The following PTRH1 variants were observed in gnomAD, a reference collection of about 807,000 sequenced individuals.
PTRH1 encodes the protein peptidyl-tRNA hydrolase.
Under a neutral mutation model 15.7 loss-of-function variants are expected in PTRH1, and 13 were observed. The ratio of observed to expected loss-of-function variants is 0.83; its 90% CI spans 0.54 to 1.31. The LOEUF is 1.31. Ranked by LOEUF, PTRH1 falls within the 40% of genes most tolerant of loss-of-function variation. The probability of loss-of-function intolerance (pLI) is 0.00; values close to 1 mark genes in which losing one functional copy is unlikely to be tolerated. For synonymous variants in PTRH1, 139 were observed against 136.7 expected, an observed-to-expected ratio of 1.02 and a Z score of -0.12; for missense variants, 319 against 296.2, an observed-to-expected ratio of 1.08 and a Z score of -0.56.
chr9:127,696,018 G>A (rs1163628168), intron 1 of PTRH1: 1 of 152,142 alleles, frequency 6.6e-6, no homozygotes, highest in Admixed American at 6.5e-5. Flanking sequence ...AACCAACAAT[G>A]TATTAATGCA....
chr9:127,702,743 G>C (rs759226193), intron 1 of PTRH1, among the ~76,000 whole-genome samples: 1 of 150,382 alleles, frequency 6.6e-6, no homozygotes, highest in South Asian at 2.1e-4. Flanking sequence ...AGAGTGTCTT[G>C]CTCTGTCGTC....
downstream of PTRH1, among the ~76,000 whole-genome samples, chr9:127,711,011 T>C (rs1201349955): frequency 2.0e-5 from 3 of 152,146 alleles, no homozygotes; most frequent in Admixed American, 2.0e-4. Flanking sequence ...TGGGATTAAA[T>C]CATGTTACTT....
chr9:127,710,870 C>T (rs921373238), downstream of PTRH1: 118 of 1,199,032 alleles, frequency 9.8e-5, 1 homozygote, highest in African/African-American at 5.5e-4. Context: ...AACTGACCGC[C>T]GCCCCGACAA....
At chr9:127,714,953 A>G in intron 2 of PTRH1, 22 bp downstream of exon 2, 1 of 136,770 alleles carries the variant, frequency 7.3e-6, no homozygotes, top group Non-Finnish European at 1.2e-5. Flanking sequence ...CCGCCCGCCC[A>G]CCCCTGGCGC....
At chr9:127,709,549 G>A (rs751781796), downstream of PTRH1, 7 of 1,614,022 alleles carry the variant, frequency 4.3e-6, no homozygotes, top group African/African-American at 9.3e-5. This position sits in a 1 kb window ranked among gnomAD's most constrained non-coding sequence, Gnocchi z 4.7. Flanking sequence ...GCAGGTGGAT[G>A]AGATCACAGA....
chr9:127,699,421 G>A (rs987348632), intron 1 of PTRH1, among the ~76,000 whole-genome samples: 9 of 152,244 alleles, frequency 5.9e-5, no homozygotes, highest in Admixed American at 2.0e-4. Flanking sequence ...ACTGGGCTTG[G>A]GGAGGCCGGG....
chr9:127,701,640 C>T (rs1165721546), intron 1 of PTRH1, among the ~76,000 whole-genome samples: 1 of 152,144 alleles, frequency 6.6e-6, no homozygotes, highest in Non-Finnish European at 1.5e-5. Flanking sequence ...GGGCCGGGAG[C>T]GGTGGCTCAC....
downstream of PTRH1, chr9:127,713,096 G>A (rs757350739): frequency 3.1e-6 from 5 of 1,613,682 alleles, no homozygotes; most frequent in Admixed American, 1.7e-5. Context: ...CCAGCCGGGG[G>A]ATCTAGGCCT....
At chr9:127,708,939 T>C (rs1842704742), downstream of PTRH1, among the ~76,000 whole-genome samples, 3 of 152,244 alleles carry the variant, frequency 2.0e-5, no homozygotes, top group South Asian at 6.2e-4. Context: ...CAGCAGGCAT[T>C]GTGGCTAAGA....
downstream of PTRH1, chr9:127,711,121 C>T: frequency 7.3e-7 from 1 of 1,372,306 alleles, no homozygotes; most frequent in African/African-American, 1.4e-5. Context: ...AGGGAGAGAG[C>T]ATGCTGGTGT....
In PTRH1 at chr9:127,714,402, A is replaced by T. The variant is rs752727564; in HGVS notation, c.439T>A (p.Cys147Ser). ...SARGHNGVRS[C>S]ISCLNSNAMP... ...ACATTGGAGTTGAGGCAGCTAATGC[A>T]GGAACGGACTCCATTGTGGCCCCTT... Residue 147 changes from cysteine to serine, a missense_variant, in exon 4 of 5, where the codon TGC becomes AGC. Cys to Ser is a moderately radical substitution (Grantham distance 112). Transcript: ENST00000543175. 5 of 1,614,228 alleles carry T rather than the reference A, an allele frequency of 3.1e-6. No individual in the cohort carries two copies. Among genetic ancestry groups the T allele is most frequent in the Admixed American group, 1.7e-5 (1 of 60,024 alleles).
At chr9:127,712,039 G>A (rs1842778135), downstream of PTRH1, 5 of 1,522,006 alleles carry the variant, frequency 3.3e-6, no homozygotes, top group South Asian at 3.8e-5. Flanking sequence ...ACCCAGGCCA[G>A]TGACTTCCCC....
In PTRH1 at chr9:127,715,004, T is replaced by A; in HGVS notation, c.287A>T (p.Asn96Ile). ...CCGGGCCACGCTGCGCCCGTTGGCG[T>A]TCATAAGCCGCCGTGGCCGGAGCAG... ...LVLLRPRRLM[N>I]ANGRSVARAA... Residue 96 changes from asparagine to isoleucine, a missense_variant, in exon 2 of 5, where the codon AAC (asparagine) becomes ATC (isoleucine). Transcript: ENST00000543175. This position sits in a 1 kb window ranked among gnomAD's most constrained non-coding sequence, Gnocchi z 5.8. 1 of 1,247,358 alleles carries A rather than the reference T, an allele frequency of 8.0e-7. No homozygotes were observed. Among genetic ancestry groups the A allele is most frequent in the Non-Finnish European group, 1.0e-6 (1 of 975,302 alleles). 77.3% of individuals were successfully genotyped at this position (1,247,358 alleles called of 1,614,324 possible). A position where few individuals can be genotyped will look rare whatever the true frequency, so the allele number is the denominator to read the frequency against.
At chr9:127,695,195 C>A (rs924032852) in intron 1 of PTRH1, 6 of 650,916 alleles carry the variant, frequency 9.2e-6, no homozygotes, top group Non-Finnish European at 1.7e-5. Context: ...CAATGCTCAT[C>A]AAGAAGAGAA....
chr9:127,711,215 A>C (rs776859363), downstream of PTRH1: 1 of 1,611,654 alleles, frequency 6.2e-7, no homozygotes. Flanking sequence ...TTCCCCTCCC[A>C]CCTTTCTGGC....
chr9:127,710,094 G>A (rs538929198), downstream of PTRH1, among the ~76,000 whole-genome samples: 44 of 152,074 alleles, frequency 2.9e-4, no homozygotes, highest in African/African-American at 5.6e-4. Context: ...GCAACATAGC[G>A]ACACTCCATC....
intron 1 of PTRH1, among the ~76,000 whole-genome samples, chr9:127,708,360 C>G (rs968776337): frequency 6.6e-6 from 1 of 152,038 alleles, no homozygotes; most frequent in Non-Finnish European, 1.5e-5. Context: ...GCCTGTAATC[C>G]CAGCTACTCA....
chr9:127,714,203 G>C lies in PTRH1; in HGVS notation c.542C>G (p.Ser181Cys). The C allele has an allele frequency of 1.2e-6, 2 of 1,613,946 alleles. No individual in the cohort carries two copies. Among genetic ancestry groups the C allele is most frequent in the Admixed American group, 3.3e-5 (2 of 60,022 alleles). The change falls in exon 5 of 5, where the codon TCC (serine) becomes TGC (cysteine). Residue 181 changes from serine to cysteine, a missense_variant. Ser to Cys is a moderately radical substitution (Grantham distance 112). Transcript: ENST00000543175. ...AGGCAGCAGCTCCTGCTCAGCAGGG[G>C]AGAAGCAGCCCAGCACATGGGCCTG... Reference protein sequence around the residue: ...AVQAHVLGCFSPAEQELLPLL... With the variant: ...AVQAHVLGCFCPAEQELLPLL...
chr9:127,706,839 G>A, intron 1 of PTRH1: 1 of 592,134 alleles, frequency 1.7e-6, no homozygotes. Flanking sequence ...CCATGGCCTG[G>A]GACTCCTGGG....
Sources: allele counts gnomAD v4.1 joint callset (sites outside exome capture counted in the v4.1 genomes callset), GRCh38; gene constraint gnomAD v4.1.1; non-coding constraint Gnocchi (gnomAD v3.1); transcripts MANE v1.5; gene names NCBI Gene and HGNC (gene_info 2026-07-23, HGNC 2026-07-21).